Variants in COP1 observed in about 807,000 individuals in gnomAD.
COP1 encodes E3 ubiquitin-protein ligase COP1.
Under a neutral mutation model 101.3 loss-of-function variants are expected in COP1, and 24 were observed. The ratio of observed to expected loss-of-function variants is 0.24; its 90% CI spans 0.17 to 0.33. The LOEUF is 0.33. Among genes scored for constraint, COP1 ranks in the 10% least tolerant of loss-of-function variants. The pLI is 1.00. For synonymous variants in COP1, 347 were observed against 341.9 expected (o/e 1.01, Z -0.17); for missense variants, 663 against 906.2 (o/e 0.73, Z 3.45).
intron 2 of COP1, among the ~76,000 whole-genome samples, chr1:176,180,419 G>A (rs1697585664): frequency 6.6e-6 from 1 of 152,100 alleles, no homozygotes; most frequent in Non-Finnish European, 1.5e-5. Flanking sequence ...GATACTAAGA[G>A]AAGGATAAGT....
intron 9 of COP1, among the ~76,000 whole-genome samples, chr1:176,108,254 T>C (rs961568226): frequency 6.6e-6 from 1 of 152,178 alleles, no homozygotes; most frequent in South Asian, 2.1e-4. Context: ...GCTTCACTTA[T>C]ATTGTTAGCA....
chr1:176,079,563 T>C (rs1678713678), intron 11 of COP1, among the ~76,000 whole-genome samples: 1 of 151,600 alleles, frequency 6.6e-6, no homozygotes, highest in Non-Finnish European at 1.5e-5. Flanking sequence ...GACGGAAATG[T>C]TAGGACCCCA....
intron 15 of COP1, among the ~76,000 whole-genome samples, chr1:175,996,183 G>C (rs1011253350): frequency 6.6e-6 from 1 of 152,070 alleles, no homozygotes; most frequent in African/African-American, 2.4e-5. Context: ...AAAGGCCTTT[G>C]ACAAAATTCA....
rs556945467 is a variant in COP1, at chr1:176,006,304, T to C, written c.1730-16825A>G. On this transcript the variant is annotated intron_variant, in intron 15 of 19. Transcript: ENST00000367669. The stretch of plus-strand genomic sequence containing the variant: ...TGATGGGTCTTGACTCTTTATCCAA[T>C]TTGCCAGTCTGTGTCTTTTCATTGG... Among the ~76,000 whole-genome samples, 8 of 152,328 alleles carry C rather than the reference T, an allele frequency of 5.3e-5. No homozygotes were observed. The South Asian group carries it at 1.0e-3, about 20-fold the overall frequency.
intron 11 of COP1, among the ~76,000 whole-genome samples, chr1:176,054,026 T>G (rs776929815): frequency 1.3e-5 from 2 of 152,168 alleles, no homozygotes; most frequent in African/African-American, 4.8e-5. Flanking sequence ...TAAGGTATAG[T>G]GATCCTTAAG....
chr1:176,133,964 G>A (rs1231829492), intron 8 of COP1: 3 of 434,346 alleles, frequency 6.9e-6, no homozygotes, highest in Non-Finnish European at 1.4e-5. Context: ...GTAAAATATA[G>A]AAGAAAATCG....
Position 176,091,521 on chromosome 1 carries a change from T to C in COP1, c.1027-5631A>G, listed in dbSNP as rs142731930. 2.4e-3 allele frequency among the ~76,000 whole-genome samples: 362 copies of C among 152,196 alleles called. 8 individuals carry two copies. The highest frequency in any genetic ancestry group is 3.3e-3 in the Non-Finnish European group (227 of 67,988). ...ATATCTAGTTTATGGGGCTTAAGAA[T>C]AAGACAAAAAATTATCCAAGTAACA... On this transcript the variant is annotated intron_variant, in intron 9 of 19. Coordinates refer to ENST00000367669, the MANE Select transcript of COP1 (RefSeq NM_022457.7).
chr1:176,171,721 G>A (rs530549909), intron 3 of COP1, among the ~76,000 whole-genome samples: 1 of 152,102 alleles, frequency 6.6e-6, no homozygotes, highest in Non-Finnish European at 1.5e-5. Flanking sequence ...GTGCAATAAA[G>A]CAAAGTACAA....
chr1:176,139,288 C>CAAAAAAAAAAAAAAAA (rs563184945), intron 6 of COP1, among the ~76,000 whole-genome samples: 7 of 108,332 alleles, frequency 6.5e-5, no homozygotes, highest in East Asian at 2.4e-4. Flanking sequence ...ACAAAAAAAA[C>CAAAAAAAAAAAAAAAA]AAAAAAAAAA....
chr1:176,011,420 G>A (rs1002594437), intron 15 of COP1, among the ~76,000 whole-genome samples: 1 of 152,166 alleles, frequency 6.6e-6, no homozygotes, highest in African/African-American at 2.4e-5. Flanking sequence ...AGGGAGGAAA[G>A]TAACCGAAAT....
At chr1:176,091,375 T>G (rs1389811611) in intron 9 of COP1, among the ~76,000 whole-genome samples, 3 of 150,158 alleles carry the variant, frequency 2.0e-5, no homozygotes, top group Non-Finnish European at 3.0e-5. Context: ...AAAAAACTTC[T>G]GAAGTTGTGT....
intron 1 of COP1, among the ~76,000 whole-genome samples, chr1:176,190,088 C>G (rs1396802109): frequency 6.6e-6 from 1 of 151,930 alleles, no homozygotes; most frequent in Non-Finnish European, 1.5e-5. Context: ...TTAAATATAA[C>G]AAAAAACTGA....
At chr1:175,955,366 A>T (rs759200598) in intron 18 of COP1, among the ~76,000 whole-genome samples, 4 of 152,186 alleles carry the variant, frequency 2.6e-5, no homozygotes, top group Non-Finnish European at 5.9e-5. Flanking sequence ...AATACCTATG[A>T]AAAACTTACA....
At chr1:176,098,008 C>A (rs1682732614) in intron 9 of COP1, among the ~76,000 whole-genome samples, 1 of 152,072 alleles carries the variant, frequency 6.6e-6, no homozygotes, top group South Asian at 2.1e-4. Flanking sequence ...TAAAAAACAG[C>A]CTTAAAGATT....
chr1:175,992,764 C>A (rs977543061), intron 15 of COP1, among the ~76,000 whole-genome samples: 2 of 152,194 alleles, frequency 1.3e-5, no homozygotes, highest in Admixed American at 1.3e-4. Context: ...TGGATGGAGC[C>A]CACCACAGCT....
At chr1:175,949,276 C>A in intron 18 of COP1, among the ~76,000 whole-genome samples, 1 of 100,674 alleles carries the variant, frequency 9.9e-6, no homozygotes, top group African/African-American at 3.9e-5. Flanking sequence ...TATACAGAAT[C>A]AACACTTCCA....
Position 176,047,157 on chromosome 1 carries a change from T to C in COP1, c.1278-833A>G, listed in dbSNP as rs74127167. Among the ~76,000 whole-genome samples, 1,180 of 152,310 alleles carry C rather than the reference T, an allele frequency of 7.7e-3. 14 individuals are homozygous for C. The highest frequency in any genetic ancestry group is 0.027 in the African/African-American group (1,125 of 41,578). ...AGGTAGTAAAAGTTGAAATGAATCA[T>C]CACATACATTATTCCTCAATATGAT... On this transcript the variant is annotated intron_variant, in intron 11 of 19. Transcript: ENST00000367669.
At chr1:175,951,193 G>T (rs1649843080) in intron 18 of COP1, among the ~76,000 whole-genome samples, 1 of 151,886 alleles carries the variant, frequency 6.6e-6, no homozygotes, top group Non-Finnish European at 1.5e-5. Context: ...AGGCTATGGT[G>T]AGCCAAGATC....
intron 6 of COP1, among the ~76,000 whole-genome samples, chr1:176,142,575 C>CATTTACA (rs1307911188): frequency 6.6e-6 from 1 of 152,000 alleles, no homozygotes; most frequent in African/African-American, 2.4e-5. Context: ...TACAATGAAT[C>CATTTACA]ATGCAACTGC....
Sources: allele counts gnomAD v4.1 joint callset (sites outside exome capture counted in the v4.1 genomes callset), GRCh38; gene constraint gnomAD v4.1.1; transcripts MANE v1.5; gene names NCBI Gene and HGNC (gene_info 2026-07-23, HGNC 2026-07-21).